Variants in DPP6 observed in about 807,000 individuals in gnomAD.
DPP6 encodes the protein A-type potassium channel modulatory protein DPP6.
In DPP6, 69 loss-of-function variants were observed where a neutral mutation model predicts 122.6. The ratio of observed to expected loss-of-function variants is 0.56; its 90% CI spans 0.46 to 0.69. DPP6 has a LOEUF of 0.69. DPP6 is among the 30% of genes least tolerant of loss of function. The probability of loss-of-function intolerance (pLI) is 0.00; values close to 1 mark genes in which losing one functional copy is unlikely to be tolerated. For missense variants in DPP6, 928 were observed against 1,116.9 expected, an observed-to-expected ratio of 0.83 and a Z score of 2.41; for synonymous variants, 418 against 433.1, an observed-to-expected ratio of 0.97 and a Z score of 0.43.
At chr7:153,812,541 T>A in the DPP6 span, among the ~76,000 whole-genome samples, 1 of 152,014 alleles carries the variant, frequency 6.6e-6, no homozygotes, top group Non-Finnish European at 1.5e-5. Context: ...GGTGATTTAG[T>A]CAACATGTAA....
At chr7:154,689,289 T>C (rs1218380483) in intron 7 of DPP6, among the ~76,000 whole-genome samples, 2 of 152,230 alleles carry the variant, frequency 1.3e-5, no homozygotes. Flanking sequence ...TTGCACGATT[T>C]ATTTGGGAAT....
chr7:154,305,636 CAG>C, intron 1 of DPP6: 1 of 1,505,612 alleles, frequency 6.6e-7, no homozygotes, highest in Non-Finnish European at 9.0e-7. Context: ...GAGACAGAGA[CAG>C]AGAGGGAGGA....
At chr7:154,205,289 G>C (rs1799381805) in intron 1 of DPP6, among the ~76,000 whole-genome samples, 1 of 152,106 alleles carries the variant, frequency 6.6e-6, no homozygotes, top group African/African-American at 2.4e-5. Flanking sequence ...TCATGATACA[G>C]GACATTTCTG....
chr7:154,637,634 T>C (rs1403489123), intron 5 of DPP6, among the ~76,000 whole-genome samples, 187 bp from the exon 6 acceptor site: 1 of 152,160 alleles, frequency 6.6e-6, no homozygotes, highest in Non-Finnish European at 1.5e-5. Context: ...CCATTGCAAA[T>C]GCTGAAAATA....
At chr7:154,202,726 C>G (rs1158848867) in intron 1 of DPP6, among the ~76,000 whole-genome samples, 1 of 152,180 alleles carries the variant, frequency 6.6e-6, no homozygotes, top group Non-Finnish European at 1.5e-5. Context: ...CCTCCATTCC[C>G]CAGAATCTTC....
At chr7:154,365,521 C>T (rs1485661081) in intron 1 of DPP6, among the ~76,000 whole-genome samples, 11 of 152,182 alleles carry the variant, frequency 7.2e-5, no homozygotes, top group Admixed American at 7.2e-4. Context: ...GAACGTGTAA[C>T]TATGAGGTTC....
At chr7:153,996,939 T>C (rs1445845224) in intron 1 of DPP6, among the ~76,000 whole-genome samples, 1 of 152,152 alleles carries the variant, frequency 6.6e-6, no homozygotes, top group South Asian at 2.1e-4. Context: ...GAAGGTGCCC[T>C]CAACCATAGC....
chr7:154,119,296 T>C (rs1314019411), intron 1 of DPP6, among the ~76,000 whole-genome samples: 2 of 152,168 alleles, frequency 1.3e-5, no homozygotes, highest in African/African-American at 4.8e-5. Context: ...GCCTGCAGAA[T>C]CCAGTTAACA....
At chr7:154,258,757 C>G (rs1318883052) in intron 1 of DPP6, among the ~76,000 whole-genome samples, 1 of 151,386 alleles carries the variant, frequency 6.6e-6, no homozygotes, top group Admixed American at 6.6e-5. Flanking sequence ...AAAACCACCA[C>G]ATTATACAAA....
chr7:153,941,455 A>G (rs925765164), intron 1 of DPP6, among the ~76,000 whole-genome samples: 3 of 152,182 alleles, frequency 2.0e-5, no homozygotes, highest in Non-Finnish European at 4.4e-5. Context: ...GGTGGTTAAC[A>G]ATTCATCCCA....
intron 8 of DPP6, among the ~76,000 whole-genome samples, chr7:154,740,978 G>T (rs772801585): frequency 6.6e-6 from 1 of 152,006 alleles, no homozygotes; most frequent in South Asian, 2.1e-4. Flanking sequence ...TTTACTATGG[G>T]TTATCTTTGG....
At chr7:153,933,940 A>G (rs1801302570) in intron 1 of DPP6, among the ~76,000 whole-genome samples, 1 of 152,240 alleles carries the variant, frequency 6.6e-6, no homozygotes, top group Non-Finnish European at 1.5e-5. Flanking sequence ...GTGGGAACAC[A>G]GATGCTGTTT....
intron 7 of DPP6, among the ~76,000 whole-genome samples, chr7:154,706,210 G>T (rs1231970780): frequency 6.6e-6 from 1 of 152,098 alleles, no homozygotes; most frequent in Non-Finnish European, 1.5e-5. Flanking sequence ...CGCCTGCCTT[G>T]GCCCAGCTGC....
chr7:154,058,934 C>T (rs1158627868), intron 1 of DPP6: 1 of 150,442 alleles, frequency 6.6e-6, no homozygotes, highest in Non-Finnish European at 1.5e-5. Context: ...GCTGTTAGTA[C>T]CCCCATCGCA....
the DPP6 span, among the ~76,000 whole-genome samples, chr7:153,837,855 T>TTTTTTTTTTTTTTTTTTTTTTTTTTTG: frequency 7.0e-6 from 1 of 143,130 alleles, no homozygotes; most frequent in Non-Finnish European, 1.5e-5. Flanking sequence ...TTTTTTTTTT[T>TTTTTTTTTTTTTTTTTTTTTTTTTTTG]TTTTTTTAGT....
intron 1 of DPP6, among the ~76,000 whole-genome samples, chr7:154,391,945 TG>T (rs1175340983): frequency 1.3e-5 from 2 of 152,164 alleles, no homozygotes; most frequent in Admixed American, 6.5e-5. Flanking sequence ...GAAGAGAGGT[TG>T]TTTTTTAAAG....
At chr7:154,779,184 C>A (rs1213568964) in intron 10 of DPP6, among the ~76,000 whole-genome samples, 1 of 124,128 alleles carries the variant, frequency 8.1e-6, no homozygotes, top group Non-Finnish European at 1.7e-5. Flanking sequence ...ACATCCATCA[C>A]CCCCACAACT....
At chr7:154,569,882 A>T (rs1401380118) in intron 5 of DPP6, among the ~76,000 whole-genome samples, 1 of 151,878 alleles carries the variant, frequency 6.6e-6, no homozygotes, top group Non-Finnish European at 1.5e-5. Flanking sequence ...CTCACCAGCT[A>T]TGTTTGCTTG....
chr7:154,331,007 A>G (rs1028723978), intron 1 of DPP6, among the ~76,000 whole-genome samples: 1 of 152,180 alleles, frequency 6.6e-6, no homozygotes, highest in Admixed American at 6.5e-5. Context: ...ACTGGGTGCT[A>G]TTTAATGAGG....
Sources: allele counts gnomAD v4.1 joint callset (sites outside exome capture counted in the v4.1 genomes callset), GRCh38; gene constraint gnomAD v4.1.1; transcripts MANE v1.5; gene names NCBI Gene and HGNC (gene_info 2026-07-23, HGNC 2026-07-21).